TPO: variants seen among roughly 807,000 people sequenced by gnomAD.
TPO encodes thyroid peroxidase, also known as thyroid microsomal antigen.
TPO carries 78 observed loss-of-function variants against 96.9 expected under a neutral mutation model. The ratio of observed to expected loss-of-function variants is 0.81; its 90% CI spans 0.67 to 0.97. The LOEUF (loss-of-function observed/expected upper bound fraction) is 0.97. Ranked by LOEUF, TPO falls within the 50% of genes least tolerant of loss-of-function variation. The pLI is 0.00. For missense variants in TPO, 1,252 were observed against 1,274.8 expected, an observed-to-expected ratio of 0.98 and a Z score of 0.27; for synonymous variants, 547 against 538.0, an observed-to-expected ratio of 1.02 and a Z score of -0.23.
chr2:1,530,842 A>G (rs565145954), intron 15 of TPO, among the ~76,000 whole-genome samples: 2 of 101,872 alleles, frequency 2.0e-5, no homozygotes, highest in Non-Finnish European at 3.9e-5. Context: ...ACTGCGTGCA[A>G]CCTCCCCAAA....
chr2:1,452,193 C>T (rs1180263193), intron 5 of TPO, among the ~76,000 whole-genome samples: 1 of 144,996 alleles, frequency 6.9e-6, no homozygotes, highest in Non-Finnish European at 1.5e-5. Flanking sequence ...ATTTTTTACA[C>T]ATTATTAGAA....
At chr2:1,534,983 A>C in intron 15 of TPO, among the ~76,000 whole-genome samples, 2 of 117,330 alleles carry the variant, frequency 1.7e-5, no homozygotes, top group Non-Finnish European at 3.3e-5. Flanking sequence ...AAATCCCCCC[A>C]GTGTGTGCAA....
chr2:1,501,456 C>T (rs1242749528), intron 13 of TPO, among the ~76,000 whole-genome samples: 1 of 152,218 alleles, frequency 6.6e-6, no homozygotes, highest in East Asian at 1.9e-4. Context: ...GAGACCTACA[C>T]AGCGCTGGCC....
intron 5 of TPO, among the ~76,000 whole-genome samples, chr2:1,446,282 C>T (rs573199183): frequency 2.6e-5 from 4 of 152,290 alleles, no homozygotes; most frequent in Non-Finnish European, 5.9e-5. Context: ...GATGGTAACC[C>T]CTGGGCCTGG....
At chr2:1,424,428 C>T (rs976958516) in intron 3 of TPO, among the ~76,000 whole-genome samples, 4 of 152,164 alleles carry the variant, frequency 2.6e-5, no homozygotes, top group Admixed American at 6.5e-5. Context: ...CCATCGTGAC[C>T]TGACCCAGCT....
rs189078829 is a variant in TPO, at chr2:1,482,571, T to C, written c.1339-2025T>C. Among the ~76,000 whole-genome samples the C allele has an allele frequency of 6.6e-5, 10 of 152,300 alleles. No individual in the cohort carries two copies. The East Asian group carries it at 1.9e-3, about 29-fold the overall frequency. On this transcript the variant is annotated intron_variant, in intron 8 of 16. Coordinates refer to ENST00000329066, the MANE Select transcript of TPO (RefSeq NM_001206744.2). ...TATGGCGTCTGCCCAGGTCCAATAG[T>C]TCAGAGTAACCATTTCCCCCATGCG... is the stretch of plus-strand genomic sequence containing the variant.
At chr2:1,519,052 G>C (rs1031433465) in intron 15 of TPO, among the ~76,000 whole-genome samples, 1 of 152,182 alleles carries the variant, frequency 6.6e-6, no homozygotes, top group Non-Finnish European at 1.5e-5. Flanking sequence ...AGAGATCAGG[G>C]TGGGGTTTCT....
intron 13 of TPO, among the ~76,000 whole-genome samples, chr2:1,501,151 G>C (rs1157172348): frequency 6.6e-6 from 1 of 151,128 alleles, no homozygotes; most frequent in East Asian, 1.9e-4. Flanking sequence ...GGAAAATACA[G>C]TTCGCAACCA....
chr2:1,425,796 C>T (rs549288587), intron 3 of TPO, among the ~76,000 whole-genome samples: 2,595 of 150,612 alleles, frequency 0.017, 75 homozygotes, highest in African/African-American at 0.058. Flanking sequence ...CATTTCATAT[C>T]CTCAGAAGTC....
intron 1 of TPO, among the ~76,000 whole-genome samples, chr2:1,379,532 G>T (rs1389590221): frequency 1.3e-5 from 2 of 152,118 alleles, no homozygotes; most frequent in African/African-American, 4.8e-5. Flanking sequence ...CGGCTCTGGG[G>T]CCCTCCAGAC....
intron 15 of TPO, 31 bp downstream of exon 15, chr2:1,517,013 G>C: frequency 1.2e-6 from 2 of 1,607,526 alleles, no homozygotes; most frequent in South Asian, 2.2e-5. Flanking sequence ...CTGTTACTTA[G>C]ACACAAAGCA....
chr2:1,532,044 ACCTCCCCAAATACCCCCCACTGTGTGCAC>A (rs1678388039), intron 15 of TPO, among the ~76,000 whole-genome samples: 2 of 94,222 alleles, frequency 2.1e-5, no homozygotes, highest in African/African-American at 8.2e-5. Context: ...ACTGTGTGCA[ACCTCCCCAAATACCCCCCACTGTGTGCAC>A]CTTCCTCAAG....
chr2:1,500,473 G>C (rs1672762519), intron 13 of TPO, among the ~76,000 whole-genome samples: 2 of 152,144 alleles, frequency 1.3e-5, no homozygotes, highest in East Asian at 1.9e-4. Context: ...ATAACAGACA[G>C]GAAACTTTAC....
intron 16 of TPO, 69 bp downstream of exon 16, chr2:1,540,792 C>G (rs1680663502): frequency 1.2e-6 from 2 of 1,612,312 alleles, no homozygotes. Flanking sequence ...GGTGTCGGAG[C>G]AGCTCTGCTG....
intron 15 of TPO, among the ~76,000 whole-genome samples, chr2:1,526,251 C>G (rs1351026626): frequency 9.1e-6 from 1 of 110,268 alleles, no homozygotes; most frequent in Non-Finnish European, 1.8e-5. Flanking sequence ...CAAGTCCCCC[C>G]CACTGTGAGC....
intron 1 of TPO, among the ~76,000 whole-genome samples, chr2:1,385,886 T>C (rs999020626): frequency 5.3e-5 from 8 of 152,194 alleles, no homozygotes; most frequent in African/African-American, 1.7e-4. Context: ...CCGCTTTAAA[T>C]GTGTCCCAGA....
At chr2:1,414,679 C>T (rs902334554) in intron 2 of TPO, among the ~76,000 whole-genome samples, 177 bp downstream of exon 2, 1 of 151,976 alleles carries the variant, frequency 6.6e-6, no homozygotes, top group Non-Finnish European at 1.5e-5. Context: ...GAAATATGTA[C>T]ATTTCTTTCT....
At chr2:1,523,708 C>T (rs1480240851) in intron 15 of TPO, among the ~76,000 whole-genome samples, 10 of 120,402 alleles carry the variant, frequency 8.3e-5, no homozygotes, top group South Asian at 3.4e-4. Flanking sequence ...ATCCCCCCCA[C>T]TGTGTGCAAC....
chr2:1,540,973 C>T, intron 16 of TPO: 2 of 1,468,124 alleles, frequency 1.4e-6, no homozygotes, highest in South Asian at 1.3e-5. Flanking sequence ...TAAGGGCTCA[C>T]TTTCAGGCGT....
Sources: allele counts gnomAD v4.1 joint callset (sites outside exome capture counted in the v4.1 genomes callset), GRCh38; gene constraint gnomAD v4.1.1; transcripts MANE v1.5; gene names NCBI Gene and HGNC (gene_info 2026-07-23, HGNC 2026-07-21).